Variants in SMYD3 observed in about 807,000 individuals in gnomAD.
The protein encoded by SMYD3 is SET and MYND domain containing 3, also known as histone-lysine N-methyltransferase SMYD3.
A neutral mutation model predicts 57.7 loss-of-function variants in SMYD3; 36 were observed. The ratio of observed to expected loss-of-function variants is 0.62; its 90% CI spans 0.48 to 0.82. The LOEUF (loss-of-function observed/expected upper bound fraction) is 0.82, where lower values mean the gene tolerates loss of function less well. SMYD3 is among the 40% of genes least tolerant of loss of function. The pLI is 0.00. For missense variants in SMYD3, 515 were observed against 538.8 expected, an observed-to-expected ratio of 0.96 and a Z score of 0.44; for synonymous variants, 211 against 195.0, an observed-to-expected ratio of 1.08 and a Z score of -0.68.
chr1:245,893,477 A>C (rs1266218328), intron 8 of SMYD3, among the ~76,000 whole-genome samples: 3 of 139,936 alleles, frequency 2.1e-5, no homozygotes, highest in Non-Finnish European at 4.6e-5. Flanking sequence ...TTCACTTAGA[A>C]AAACAAACTA....
At chr1:246,392,271 A>G (rs1399679469) in intron 1 of SMYD3, among the ~76,000 whole-genome samples, 2 of 152,158 alleles carry the variant, frequency 1.3e-5, no homozygotes. Context: ...TTTTTTCACA[A>G]CTCATATCAG....
At chr1:245,857,312 C>CACGCCTGGCTT (rs1491311612) in intron 10 of SMYD3, among the ~76,000 whole-genome samples, 1 of 152,228 alleles carries the variant, frequency 6.6e-6, no homozygotes, top group African/African-American at 2.4e-5. Context: ...GCTCCTGGCT[C>CACGCCTGGCTT]ACGCCTGGCT....
chr1:246,348,572 G>A (rs1296652187), intron 2 of SMYD3, among the ~76,000 whole-genome samples: 1 of 152,002 alleles, frequency 6.6e-6, no homozygotes, highest in Non-Finnish European at 1.5e-5. Context: ...GTATAAATAT[G>A]GGAACAACAG....
At chr1:245,922,553 T>C (rs1190784204) in intron 7 of SMYD3, among the ~76,000 whole-genome samples, 1 of 152,184 alleles carries the variant, frequency 6.6e-6, no homozygotes, top group Non-Finnish European at 1.5e-5. Context: ...TTTACTATAG[T>C]TTTGATAGAT....
intron 7 of SMYD3, among the ~76,000 whole-genome samples, chr1:245,920,561 C>G (rs766410666): frequency 6.6e-6 from 1 of 152,104 alleles, no homozygotes; most frequent in African/African-American, 2.4e-5. Context: ...TCTTCAGGTA[C>G]CCTATCACAA....
At chr1:246,079,395 G>A (rs575590646) in intron 5 of SMYD3, among the ~76,000 whole-genome samples, 1 of 152,300 alleles carries the variant, frequency 6.6e-6, no homozygotes, top group East Asian at 1.9e-4. Flanking sequence ...ATCACATAAT[G>A]AAGATTGATG....
chr1:245,910,397 A>G (rs184327695), intron 8 of SMYD3, among the ~76,000 whole-genome samples: 11 of 152,274 alleles, frequency 7.2e-5, no homozygotes, highest in African/African-American at 2.6e-4. Context: ...AATGTAATCC[A>G]TATCAAAATA....
chr1:246,145,942 G>T (rs574867772), intron 5 of SMYD3, among the ~76,000 whole-genome samples: 36 of 152,308 alleles, frequency 2.4e-4, no homozygotes, highest in African/African-American at 8.7e-4. Flanking sequence ...TTCCAGGTCT[G>T]TCTGACTTCA....
At position 246,132,899 on chromosome 1, in the gene SMYD3, C is replaced by G. The variant is rs75913673; in HGVS notation, c.531+194302G>C. 3.7e-3 allele frequency among the ~76,000 whole-genome samples: 564 copies of G among 152,148 alleles called. 2 individuals carry two copies. The highest frequency in any genetic ancestry group is 0.013 in the African/African-American group (534 of 41,522). On this transcript the variant is annotated intron_variant, in intron 5 of 11. Coordinates refer to ENST00000490107, the MANE Select transcript of SMYD3 (RefSeq NM_001167740.2). ...TGAAATGATGTTCACCATCATTAGTCATTAGGGAAATGCATATTGAAGCCA... is the reference window on the plus strand; with the variant it reads ...TGAAATGATGTTCACCATCATTAGTGATTAGGGAAATGCATATTGAAGCCA...
chr1:245,802,492 G>C (rs377430578), intron 10 of SMYD3, among the ~76,000 whole-genome samples: 1 of 152,134 alleles, frequency 6.6e-6, no homozygotes, highest in Admixed American at 6.5e-5. Flanking sequence ...AAAATGATTG[G>C]TTTTTTAAAA....
intron 10 of SMYD3, among the ~76,000 whole-genome samples, chr1:245,827,798 CTGAGACCCAGAGA>C (rs1202490592): frequency 6.6e-6 from 1 of 152,162 alleles, no homozygotes; most frequent in African/African-American, 2.4e-5. Flanking sequence ...AGGTGAGAAA[CTGAGACCCAGAGA>C]TGTGAGGTCA....
chr1:246,455,562 T>C (rs947353677), intron 1 of SMYD3, among the ~76,000 whole-genome samples: 9 of 152,176 alleles, frequency 5.9e-5, no homozygotes, highest in African/African-American at 1.4e-4. Flanking sequence ...CCAAATGCTA[T>C]AGAAAAGCCA....
rs139281831 is a variant in SMYD3 at position 245,931,361 on chromosome 1, G to C, written c.532-1424C>G. 3.8e-3 allele frequency among the ~76,000 whole-genome samples: 579 copies of C among 152,290 alleles called. 2 individuals carry two copies. Among genetic ancestry groups the C allele is most frequent in the Middle Eastern group, 0.024 (7 of 294 alleles). ...ACAGCCAACAGGCCTTACTTACTGC[G>C]GGACGGCTTGTGGGGAATGAAAGGA... On this transcript the variant is annotated intron_variant, in intron 5 of 11. Coordinates refer to ENST00000490107, the MANE Select transcript of SMYD3 (RefSeq NM_001167740.2).
At chr1:246,214,267 GT>G (rs1395781769) in intron 5 of SMYD3, among the ~76,000 whole-genome samples, 4 of 152,094 alleles carry the variant, frequency 2.6e-5, no homozygotes, top group Non-Finnish European at 5.9e-5. Flanking sequence ...TAATACATTT[GT>G]GAAAGCTTTA....
chr1:245,920,036 G>A lies in SMYD3; in HGVS notation c.703-4396C>T, dbSNP rs35302453. Among the ~76,000 whole-genome samples, 270 of 152,232 alleles carry A rather than the reference G, an allele frequency of 1.8e-3. 1 individual carries two copies. The highest frequency in any genetic ancestry group is 2.6e-3 in the Non-Finnish European group (176 of 68,016). ...TGGATAAGATGAGCAAGTTAAGGCC[G>A]GCCACGGTGGCTCACGCCTGTAATC... On this transcript the variant is annotated intron_variant, in intron 7 of 11. Coordinates refer to ENST00000490107, the MANE Select transcript of SMYD3 (RefSeq NM_001167740.2).
chr1:245,976,737 A>G (rs373890952), intron 5 of SMYD3, among the ~76,000 whole-genome samples: 165 of 358 alleles, frequency 0.46, 54 homozygotes, highest in East Asian at 1. Context: ...CATCGTCTCC[A>G]GCCCAGGGAA....
intron 6 of SMYD3, 44 bp from the exon 7 acceptor site, chr1:245,928,077 G>A (rs763912023): frequency 6.6e-7 from 1 of 1,523,134 alleles, no homozygotes; most frequent in Non-Finnish European, 9.1e-7. Flanking sequence ...TCAGCAGGTA[G>A]AGTCAACTAA....
intron 2 of SMYD3, among the ~76,000 whole-genome samples, chr1:246,348,073 T>TACACATAC (rs140418099): frequency 5.2e-5 from 6 of 115,614 alleles, no homozygotes; most frequent in South Asian, 2.6e-4. Context: ...TATATATATA[T>TACACATAC]ATATACACAC....
intron 5 of SMYD3, among the ~76,000 whole-genome samples, chr1:245,993,351 C>A (rs1442075255): frequency 6.6e-6 from 1 of 152,088 alleles, no homozygotes. Flanking sequence ...TACTCTCTAA[C>A]AGAGGGTATG....
Sources: allele counts gnomAD v4.1 joint callset (sites outside exome capture counted in the v4.1 genomes callset), GRCh38; gene constraint gnomAD v4.1.1; transcripts MANE v1.5; gene names NCBI Gene and HGNC (gene_info 2026-07-23, HGNC 2026-07-21).